The following GALNT13 variants were observed in gnomAD, a reference collection of about 807,000 sequenced individuals.
The protein encoded by GALNT13 is UDP-GalNAc:polypeptide N-acetylgalactosaminyltransferase 13.
GALNT13 carries 28 observed loss-of-function variants against 64.2 expected under a neutral mutation model. That is an observed-to-expected ratio of 0.44 (90% CI 0.32 to 0.60). The LOEUF is 0.60. GALNT13 is among the 20% of genes least tolerant of loss of function. The pLI is 0.05. For synonymous variants in GALNT13, 214 were observed against 224.6 expected (o/e 0.95, Z 0.42); for missense variants, 577 against 669.8 (o/e 0.86, Z 1.53).
At position 154,451,209 on chromosome 2, in the gene GALNT13, C is replaced by A. The variant is rs1474117185; in HGVS notation, c.*658C>A. 1 of 152,054 alleles carries A rather than the reference C, an allele frequency of 6.6e-6. No individual in the cohort carries two copies. Among genetic ancestry groups the A allele is most frequent in the Non-Finnish European group, 1.5e-5 (1 of 68,016 alleles). 9.4% of individuals were successfully genotyped at this position (152,054 alleles called of 1,614,324 possible). A position where few individuals can be genotyped will look rare whatever the true frequency, so the allele number is the denominator to read the frequency against. On this transcript the variant is annotated 3_prime_UTR_variant, in exon 13 of 13. Coordinates refer to ENST00000392825, the MANE Select transcript of GALNT13 (RefSeq NM_052917.4). The stretch of plus-strand genomic sequence containing the variant: ...TACATAAAAAAAGAAATCCGCGAAG[C>A]ATTGAGGGGAACAAGATGAGTCTAA...
At chr2:154,181,925 T>C (rs1685982115) in intron 4 of GALNT13, among the ~76,000 whole-genome samples, 1 of 152,100 alleles carries the variant, frequency 6.6e-6, no homozygotes, top group South Asian at 2.1e-4. Flanking sequence ...TATGTTTATA[T>C]GTTATTGGTT....
chr2:153,823,969 T>G, the GALNT13 span, among the ~76,000 whole-genome samples: 1 of 152,222 alleles, frequency 6.6e-6, no homozygotes, highest in Non-Finnish European at 1.5e-5. Flanking sequence ...TATAAAAAGA[T>G]ACTTCTCAAA....
At chr2:154,066,456 G>C (rs1290712802) in intron 3 of GALNT13, among the ~76,000 whole-genome samples, 1 of 151,024 alleles carries the variant, frequency 6.6e-6, no homozygotes. Flanking sequence ...AAAGGTGAAA[G>C]ATAAAAAAAA....
the GALNT13 span, among the ~76,000 whole-genome samples, chr2:153,162,601 G>C: frequency 6.6e-6 from 1 of 152,166 alleles, no homozygotes; most frequent in Non-Finnish European, 1.5e-5. Context: ...AGAGAAAATA[G>C]CTGAACACTT....
At chr2:154,176,711 C>A (rs1166689127) in intron 4 of GALNT13, among the ~76,000 whole-genome samples, 2 of 152,168 alleles carry the variant, frequency 1.3e-5, no homozygotes, top group African/African-American at 4.8e-5. Context: ...TTAAGATGTT[C>A]ATTTAGTTTG....
chr2:153,585,794 A>G, the GALNT13 span, among the ~76,000 whole-genome samples: 3 of 152,162 alleles, frequency 2.0e-5, no homozygotes, highest in Non-Finnish European at 2.9e-5. Flanking sequence ...ACTGACAGAA[A>G]AAAAAACAGG....
chr2:154,126,649 A>C (rs1157196167), intron 3 of GALNT13, among the ~76,000 whole-genome samples: 2 of 151,918 alleles, frequency 1.3e-5, no homozygotes, highest in African/African-American at 4.8e-5. Context: ...AAACAAAAAA[A>C]AAAAACAAAA....
At chr2:153,986,897 G>A (rs1039589971) in intron 3 of GALNT13, among the ~76,000 whole-genome samples, 3 of 152,024 alleles carry the variant, frequency 2.0e-5, no homozygotes, top group African/African-American at 4.8e-5. Flanking sequence ...AAATATTAAC[G>A]ATAGAGGAAG....
At chr2:154,130,469 G>T (rs577359006) in intron 3 of GALNT13, among the ~76,000 whole-genome samples, 39 of 152,142 alleles carry the variant, frequency 2.6e-4, no homozygotes, top group Middle Eastern at 6.3e-3. Flanking sequence ...TAGAGTATTT[G>T]AGGTGATCCA....
At chr2:153,687,088 C>T in the GALNT13 span, among the ~76,000 whole-genome samples, 33 of 151,722 alleles carry the variant, frequency 2.2e-4, no homozygotes, top group South Asian at 6.4e-3. Context: ...TCAAGGATAT[C>T]GGCCTGAAGT....
At chr2:154,243,960 C>T (rs141178596) in intron 6 of GALNT13, among the ~76,000 whole-genome samples, 16 of 152,276 alleles carry the variant, frequency 1.1e-4, no homozygotes, top group Non-Finnish European at 1.8e-4. Context: ...CAGTAGGAAC[C>T]TTTTAGTCCA....
At chr2:153,830,128 TTATTTTG>T in the GALNT13 span, among the ~76,000 whole-genome samples, 1 of 152,128 alleles carries the variant, frequency 6.6e-6, no homozygotes, top group East Asian at 1.9e-4. Flanking sequence ...ACCAGAAACA[TTATTTTG>T]TATTTTGCTT....
At chr2:154,149,519 G>A (rs922816322) in intron 4 of GALNT13, among the ~76,000 whole-genome samples, 1 of 152,140 alleles carries the variant, frequency 6.6e-6, no homozygotes, top group African/African-American at 2.4e-5. Context: ...ACCTTGGGCA[G>A]TATGGCCATT....
the GALNT13 span, among the ~76,000 whole-genome samples, chr2:153,568,398 G>A: frequency 2.6e-5 from 4 of 151,984 alleles, no homozygotes; most frequent in Non-Finnish European, 5.9e-5. Context: ...CTGCTATTCT[G>A]TATATTGAAA....
At chr2:153,716,025 A>G in the GALNT13 span, among the ~76,000 whole-genome samples, 1 of 152,172 alleles carries the variant, frequency 6.6e-6, no homozygotes, top group Non-Finnish European at 1.5e-5. Context: ...TAAACGTTTC[A>G]TTGGTAACAA....
intron 3 of GALNT13, among the ~76,000 whole-genome samples, chr2:153,986,755 G>T (rs990173284): frequency 5.9e-5 from 9 of 152,044 alleles, no homozygotes; most frequent in African/African-American, 2.2e-4. Flanking sequence ...CATATTGGGT[G>T]TAACAAAGTG....
intron 4 of GALNT13, among the ~76,000 whole-genome samples, chr2:154,172,651 AGT>A (rs70983709): frequency 0.68 from 102,491 of 150,540 alleles, 35,845 homozygotes; most frequent in Middle Eastern, 0.78. Context: ...AATATTCTAG[AGT>A]GTGTGTGTGT....
At chr2:153,480,340 C>T in the GALNT13 span, among the ~76,000 whole-genome samples, 15 of 152,040 alleles carry the variant, frequency 9.9e-5, no homozygotes, top group Non-Finnish European at 2.2e-4. Context: ...GAATGAAATG[C>T]CTTCTGGTTG....
intron 4 of GALNT13, among the ~76,000 whole-genome samples, chr2:154,212,587 C>T (rs60347157): frequency 0.058 from 8,774 of 151,982 alleles, 509 homozygotes; most frequent in East Asian, 0.26. Flanking sequence ...CTCTCTCTTC[C>T]TCTTGCTTCT....
Sources: allele counts gnomAD v4.1 joint callset (sites outside exome capture counted in the v4.1 genomes callset), GRCh38; gene constraint gnomAD v4.1.1; transcripts MANE v1.5; gene names NCBI Gene and HGNC (gene_info 2026-07-23, HGNC 2026-07-21).